FAM193A: variants seen among roughly 807,000 people sequenced by gnomAD.
The protein encoded by FAM193A is protein FAM193A.
In FAM193A, 22 loss-of-function variants were observed where a neutral mutation model predicts 126.5. The ratio of observed to expected loss-of-function variants is 0.17; its 90% CI spans 0.12 to 0.25. The LOEUF (loss-of-function observed/expected upper bound fraction) is 0.25, where lower values mean the gene tolerates loss of function less well. FAM193A is among the 10% of genes least tolerant of loss of function. The pLI is 1.00. For synonymous variants in FAM193A, 761 were observed against 646.8 expected (o/e 1.18, Z -2.68); for missense variants, 1,675 against 1,672.8 (o/e 1.00, Z -0.02).
At chr4:2,632,998 C>A (rs1341516138) in intron 5 of FAM193A, among the ~76,000 whole-genome samples, 1 of 152,224 alleles carries the variant, frequency 6.6e-6, no homozygotes, top group Non-Finnish European at 1.5e-5. Flanking sequence ...GAGGTCTGCA[C>A]CTCCTCAGAT....
chr4:2,607,775 A>G (rs1350720521), intron 2 of FAM193A: 2 of 501,378 alleles, frequency 4.0e-6, no homozygotes, highest in East Asian at 3.9e-5. Flanking sequence ...TCCTCGGACC[A>G]CACTTTGAGA....
chr4:2,663,589 C>T (rs1029271435), intron 12 of FAM193A, among the ~76,000 whole-genome samples: 4 of 152,204 alleles, frequency 2.6e-5, no homozygotes, highest in Middle Eastern at 3.4e-3. Flanking sequence ...GTTTGTTTTT[C>T]CTGTTCATTA....
rs576043834 is a variant in FAM193A at position 2,652,913 on chromosome 4, G to C, written c.1312-4890G>C. On this transcript the variant is annotated intron_variant, in intron 7 of 20. Coordinates refer to ENST00000637812, the MANE Select transcript of FAM193A (RefSeq NM_001366318.2). ...CCGAGTGCTGTGCCAAACCCCGTGTGGCTAGAGCCTCACTACTGCTTCCTG... is the reference window on the plus strand; with the variant it reads ...CCGAGTGCTGTGCCAAACCCCGTGTCGCTAGAGCCTCACTACTGCTTCCTG... 2.1e-4 allele frequency among the ~76,000 whole-genome samples: 32 copies of C among 152,354 alleles called. 1 individual carries two copies. In the South Asian group the frequency reaches 3.9e-3, roughly 19 times the overall value.
chr4:2,670,352 C>A (rs1378855508), intron 12 of FAM193A, among the ~76,000 whole-genome samples: 1 of 151,868 alleles, frequency 6.6e-6, no homozygotes, highest in Non-Finnish European at 1.5e-5. Context: ...TCCTTTAATT[C>A]TCTGAACATG....
chr4:2,597,608 G>T (rs1274879360), intron 2 of FAM193A, among the ~76,000 whole-genome samples: 1 of 152,114 alleles, frequency 6.6e-6, no homozygotes, highest in African/African-American at 2.4e-5. Flanking sequence ...TGGATAGTTT[G>T]TCAGATGAGC....
At chr4:2,538,276 A>T (rs1013865036) in intron 1 of FAM193A, among the ~76,000 whole-genome samples, 1 of 150,464 alleles carries the variant, frequency 6.6e-6, no homozygotes, top group African/African-American at 2.5e-5. Context: ...ATCTTGGCTC[A>T]CTGTAACCTC....
At chr4:2,726,682 A>G (rs964418103) in intron 20 of FAM193A, among the ~76,000 whole-genome samples, 3 of 149,318 alleles carry the variant, frequency 2.0e-5, no homozygotes, top group Admixed American at 6.7e-5. Flanking sequence ...TGTAATCCCA[A>G]TACTTTGGGA....
chr4:2,660,658 C>T (rs979638127), intron 10 of FAM193A, among the ~76,000 whole-genome samples: 6 of 152,170 alleles, frequency 3.9e-5, no homozygotes, highest in Admixed American at 6.5e-5. Flanking sequence ...TTACGTGTAT[C>T]GTAGAGCACA....
chr4:2,604,079 G>T (rs1252192010), intron 2 of FAM193A, among the ~76,000 whole-genome samples: 1 of 151,962 alleles, frequency 6.6e-6, no homozygotes, highest in Non-Finnish European at 1.5e-5. Flanking sequence ...CTGACCTCAG[G>T]TGATCCGCCC....
At chr4:2,651,991 G>A (rs554800760) in intron 7 of FAM193A, among the ~76,000 whole-genome samples, 69 of 152,312 alleles carry the variant, frequency 4.5e-4, no homozygotes, top group Admixed American at 7.8e-4. Context: ...CCCCATGATA[G>A]GGAATGTGGA....
intron 13 of FAM193A, among the ~76,000 whole-genome samples, chr4:2,685,746 T>C (rs954140556): frequency 3.9e-5 from 6 of 152,352 alleles, no homozygotes; most frequent in Non-Finnish European, 8.8e-5. Flanking sequence ...CTTGCACCCA[T>C]GTTCCATGTC....
At chr4:2,565,152 T>G (rs1429349758) in intron 1 of FAM193A, among the ~76,000 whole-genome samples, 2 of 151,854 alleles carry the variant, frequency 1.3e-5, no homozygotes, top group African/African-American at 4.8e-5. Flanking sequence ...AGATTCCAGT[T>G]GAGTACTCTT....
At chr4:2,712,840 T>TG (rs1489984320) in intron 19 of FAM193A, among the ~76,000 whole-genome samples, 1 of 152,062 alleles carries the variant, frequency 6.6e-6, no homozygotes, top group African/African-American at 2.4e-5. Flanking sequence ...TGGTGGCTCA[T>TG]GCCTGTAATC....
intron 5 of FAM193A, among the ~76,000 whole-genome samples, chr4:2,635,837 C>T (rs1443357042): frequency 1.3e-5 from 2 of 152,146 alleles, no homozygotes. Context: ...CGCACCCGGC[C>T]AACATATTTC....
chr4:2,565,419 G>T (rs1256154653), intron 1 of FAM193A, among the ~76,000 whole-genome samples: 1 of 151,706 alleles, frequency 6.6e-6, no homozygotes, highest in Admixed American at 6.6e-5. Flanking sequence ...ACCACCACCC[G>T]GCTAATTTTT....
chr4:2,645,086 T>C (rs1199093640), intron 6 of FAM193A, among the ~76,000 whole-genome samples: 1 of 151,972 alleles, frequency 6.6e-6, no homozygotes, highest in Non-Finnish European at 1.5e-5. Flanking sequence ...AATTATAAAA[T>C]TGGTAACAAG....
At chr4:2,678,345 G>C (rs1048118110) in intron 13 of FAM193A, among the ~76,000 whole-genome samples, 3 of 134,922 alleles carry the variant, frequency 2.2e-5, no homozygotes, top group African/African-American at 5.4e-5. Flanking sequence ...TTGGTGTTTT[G>C]TTTTGGTTTT....
intron 20 of FAM193A, among the ~76,000 whole-genome samples, chr4:2,722,049 C>T (rs140272555): frequency 2.0e-5 from 3 of 152,320 alleles, no homozygotes; most frequent in East Asian, 3.9e-4. Context: ...AGAGAAGTCA[C>T]GAAATTACCA....
intron 2 of FAM193A, among the ~76,000 whole-genome samples, chr4:2,624,208 G>A (rs369698045): frequency 4.9e-4 from 74 of 151,946 alleles, no homozygotes; most frequent in East Asian, 4.6e-3. Context: ...ACAAAGTCTC[G>A]GTCTGTTTCT....
Sources: gnomAD v4.1 joint callset for allele counts (sites outside exome capture counted in the v4.1 genomes callset) on GRCh38, gnomAD v4.1.1 for gene constraint, MANE v1.5 for transcripts, NCBI Gene and HGNC (gene_info 2026-07-23, HGNC 2026-07-21) for gene names.